The following CNOT1 variants were observed in gnomAD, a reference collection of about 807,000 sequenced individuals.
CNOT1 encodes CCR4-associated factor 1.
Under a neutral mutation model 273.8 loss-of-function variants are expected in CNOT1, and 15 were observed. The ratio of observed to expected loss-of-function variants is 0.05; its 90% CI spans 0.04 to 0.08. The LOEUF (loss-of-function observed/expected upper bound fraction) is 0.08. Ranked by LOEUF, CNOT1 falls within the 10% of genes least tolerant of loss-of-function variation. CNOT1 has a pLI of 1.00. For synonymous variants in CNOT1, 1,022 were observed against 1,005.5 expected, an observed-to-expected ratio of 1.02 and a Z score of -0.31; for missense variants, 1,644 against 2,912.2, an observed-to-expected ratio of 0.56 and a Z score of 10.02.
chr16:58,572,816 G>A (rs369619330), intron 16 of CNOT1, among the ~76,000 whole-genome samples: 150 of 149,484 alleles, frequency 1.0e-3, no homozygotes, highest in African/African-American at 3.7e-3. Flanking sequence ...GCTGAAGCAG[G>A]AGAATCACTT....
chr16:58,576,674 A>G, intron 13 of CNOT1, 92 bp from the exon 14 acceptor site: 1 of 1,551,444 alleles, frequency 6.4e-7, no homozygotes, highest in Non-Finnish European at 8.7e-7. Flanking sequence ...TAGAACTTGT[A>G]TAAAAATCAG....
intron 43 of CNOT1, 47 bp downstream of exon 43, chr16:58,530,196 TTTC>T: frequency 6.9e-7 from 1 of 1,446,864 alleles, no homozygotes; most frequent in Admixed American, 1.8e-5. Context: ...TAAAGTGTAT[TTTC>T]TTAAGATCTC....
intron 42 of CNOT1, 119 bp downstream of exon 42, chr16:58,531,830 GCATTCCCAA>G (rs1407438559): frequency 1.8e-6 from 2 of 1,120,492 alleles, no homozygotes; most frequent in African/African-American, 3.1e-5. Flanking sequence ...ACACTAAATA[GCATTCCCAA>G]CTAAGTTTGG....
chr16:58,609,059 A>G (rs759653453), intron 1 of CNOT1, among the ~76,000 whole-genome samples: 94 of 152,192 alleles, frequency 6.2e-4, no homozygotes, highest in Non-Finnish European at 1.1e-3. Flanking sequence ...TGGGTTCACC[A>G]AATTCTCACA....
intron 39 of CNOT1, among the ~76,000 whole-genome samples, chr16:58,535,729 CT>C (rs934094766): frequency 7.5e-4 from 108 of 144,628 alleles, no homozygotes; most frequent in Admixed American, 9.7e-4. Flanking sequence ...AACCTAATTT[CT>C]TTTTTTTTTT....
Position 58,553,770 on chromosome 16 carries a change from G to T in CNOT1, c.2970+12C>A. 6.2e-7 allele frequency: 1 copy of T among 1,606,372 alleles called. No homozygotes were observed. The highest frequency in any genetic ancestry group is 2.3e-5 in the East Asian group (1 of 44,338). On this transcript the variant is annotated intron_variant, in intron 22 of 48. Transcript: ENST00000317147. Reference sequence around the variant, plus strand: ...CATAGCTATTTGGGTTTTAGTTACAGAGGGCACTTACCTCCTGTAAATGAT... The same window carrying T: ...CATAGCTATTTGGGTTTTAGTTACATAGGGCACTTACCTCCTGTAAATGAT...
Position 58,581,521 on chromosome 16 carries a change from A to G in CNOT1, c.1045-6T>C, listed in dbSNP as rs1253418256. ...TTGAAATTCAAACTTGGATTCTAAA[A>G]AAGACCAAAGCAGTTTAAAATGTAA... On this transcript the variant is annotated splice_region_variant and splice_polypyrimidine_tract_variant and intron_variant, in intron 10 of 48. Coordinates refer to ENST00000317147, the MANE Select transcript of CNOT1 (RefSeq NM_016284.5). 1 of 1,609,222 alleles carries G rather than the reference A, an allele frequency of 6.2e-7. No individual in the cohort carries two copies. The highest frequency in any genetic ancestry group is 1.3e-5 in the African/African-American group (1 of 74,784).
chr16:58,619,548 C>T (rs1447571180), intron 1 of CNOT1, among the ~76,000 whole-genome samples: 1 of 152,084 alleles, frequency 6.6e-6, no homozygotes, highest in Non-Finnish European at 1.5e-5. Context: ...CTGCCTCAGC[C>T]TCCCAAGTAG....
At chr16:58,546,836 T>A in intron 27 of CNOT1, 87 bp from the exon 28 acceptor site, 1 of 1,510,790 alleles carries the variant, frequency 6.6e-7, no homozygotes, top group African/African-American at 1.4e-5. Context: ...CATAAGGGGG[T>A]AGGGGGGAGT....
intron 16 of CNOT1, among the ~76,000 whole-genome samples, chr16:58,573,460 C>T (rs2041351635): frequency 6.6e-6 from 1 of 151,334 alleles, no homozygotes; most frequent in East Asian, 1.9e-4. Context: ...TCAACATTCC[C>T]AGTAGGCTGT....
chr16:58,540,365 T>C (rs191219731), intron 34 of CNOT1, among the ~76,000 whole-genome samples: 6 of 152,324 alleles, frequency 3.9e-5, no homozygotes, highest in East Asian at 1.9e-4. Flanking sequence ...CCTGATAGGA[T>C]AGAGTAAGAA....
intron 2 of CNOT1, among the ~76,000 whole-genome samples, chr16:58,596,551 G>T (rs557218469): frequency 6.6e-6 from 1 of 151,992 alleles, no homozygotes; most frequent in Admixed American, 6.6e-5. Context: ...GTGAGGGCAA[G>T]GTGTTTTCAT....
chr16:58,600,595 G>T (rs1459273335), intron 1 of CNOT1, among the ~76,000 whole-genome samples: 1 of 152,060 alleles, frequency 6.6e-6, no homozygotes, highest in South Asian at 2.1e-4. Context: ...AGGTAGTTTG[G>T]TCTTATACCT....
At chr16:58,580,171 C>CT (rs1236907538) in intron 12 of CNOT1, among the ~76,000 whole-genome samples, 1 of 151,988 alleles carries the variant, frequency 6.6e-6, no homozygotes, top group Non-Finnish European at 1.5e-5. Flanking sequence ...GATTGTGCCA[C>CT]TGCACTCCTG....
At chr16:58,629,347 G>A (rs1056331593) in intron 1 of CNOT1, among the ~76,000 whole-genome samples, 10 of 152,232 alleles carry the variant, frequency 6.6e-5, no homozygotes, top group African/African-American at 2.4e-4. Context: ...TAGTTAAGGA[G>A]GTCGTGGAGG....
chr16:58,549,658 A>G (rs901017488), intron 25 of CNOT1, 61 bp downstream of exon 25: 5 of 1,536,074 alleles, frequency 3.3e-6, no homozygotes, highest in Non-Finnish European at 4.3e-6. Context: ...TCCTACCTAT[A>G]TAATCAAATA....
rs374450129 is a variant in CNOT1, at chr16:58,543,596, A to T, written c.4434+11T>A. The stretch of plus-strand genomic sequence containing the variant: ...CGTTTTGTACCTATACCAAGGAAAT[A>T]GCCAACTTACACGAAGGGCTGAGGC... On this transcript the variant is annotated intron_variant, in intron 31 of 48. Coordinates refer to ENST00000317147, the MANE Select transcript of CNOT1 (RefSeq NM_016284.5). 2.2e-5 allele frequency: 36 copies of T among 1,614,098 alleles called. No homozygotes were observed. Among genetic ancestry groups the T allele is most frequent in the Non-Finnish European group, 3.1e-5 (36 of 1,180,032 alleles).
intron 16 of CNOT1, among the ~76,000 whole-genome samples, chr16:58,569,381 C>T (rs934669630): frequency 2.0e-5 from 3 of 152,100 alleles, no homozygotes; most frequent in Admixed American, 6.6e-5. Flanking sequence ...CTTGGCCTCC[C>T]AAAGTGCTGC....
At chr16:58,531,118 T>G (rs931088502) in intron 42 of CNOT1, among the ~76,000 whole-genome samples, 1 of 152,254 alleles carries the variant, frequency 6.6e-6, no homozygotes, top group African/African-American at 2.4e-5. Flanking sequence ...TTTCAGCCAA[T>G]GTCAGCCTGC....
Sources: allele counts gnomAD v4.1 joint callset (sites outside exome capture counted in the v4.1 genomes callset), GRCh38; gene constraint gnomAD v4.1.1; transcripts MANE v1.5; gene names NCBI Gene and HGNC (gene_info 2026-07-23, HGNC 2026-07-21).